The following RBFOX1 variants were observed in gnomAD, a reference collection of about 807,000 sequenced individuals.
RBFOX1 encodes RNA binding fox-1 homolog 1.
A neutral mutation model predicts 57.7 loss-of-function variants in RBFOX1; 8 were observed. That is an observed-to-expected ratio of 0.14 (90% CI 0.08 to 0.25). The LOEUF (loss-of-function observed/expected upper bound fraction) is 0.25, where lower values mean the gene tolerates loss of function less well. Among genes scored for constraint, RBFOX1 ranks in the 10% least tolerant of loss-of-function variants. RBFOX1 has a pLI of 1.00. For missense variants in RBFOX1, 611 were observed against 548.5 expected (o/e 1.11, Z -1.14); for synonymous variants, 326 against 222.4 (o/e 1.47, Z -4.15).
In RBFOX1 at chr16:6,862,734, C is replaced by T. The variant is rs146262377; in HGVS notation, c.-15-189323C>T. Among the ~76,000 whole-genome samples, 219 of 152,192 alleles carry T rather than the reference C, an allele frequency of 1.4e-3. 2 individuals are homozygous for T. Among genetic ancestry groups the T allele is most frequent in the Non-Finnish European group, 1.2e-3 (83 of 68,006 alleles). ...TGTCTGTGGCTCACACCTGTAATCC[C>T]GGCGCTTTGTAAGGCCGAGGCTGGT... On this transcript the variant is annotated intron_variant, in intron 3 of 15. Coordinates refer to ENST00000550418, the MANE Select transcript of RBFOX1 (RefSeq NM_018723.4).
intron 4 of RBFOX1, among the ~76,000 whole-genome samples, chr16:7,248,179 G>A (rs1458157021): frequency 1.3e-5 from 2 of 152,190 alleles, no homozygotes; most frequent in Non-Finnish European, 2.9e-5. Context: ...TTATCAGTTA[G>A]GGATATTACC....
At chr16:6,424,049 C>G (rs981235171) in intron 2 of RBFOX1, among the ~76,000 whole-genome samples, 22 of 152,040 alleles carry the variant, frequency 1.4e-4, no homozygotes, top group Non-Finnish European at 2.8e-4. Flanking sequence ...ACCAGCCTGG[C>G]CAACATGGTG....
intron 3 of RBFOX1, among the ~76,000 whole-genome samples, chr16:6,862,266 G>T (rs2059155656): frequency 1.3e-5 from 2 of 152,162 alleles, no homozygotes; most frequent in African/African-American, 4.8e-5. Context: ...GCCACCTCCA[G>T]AGATTTTAAT....
intron 2 of RBFOX1, among the ~76,000 whole-genome samples, chr16:6,540,709 T>C (rs1464607412): frequency 6.6e-6 from 1 of 151,276 alleles, no homozygotes; most frequent in Non-Finnish European, 1.5e-5. Flanking sequence ...CAAATTCTTA[T>C]ACAATGCTTT....
chr16:6,595,891 A>G (rs888442171), intron 2 of RBFOX1, among the ~76,000 whole-genome samples: 7 of 152,154 alleles, frequency 4.6e-5, no homozygotes, highest in Admixed American at 2.0e-4. Context: ...TACTTCGCCA[A>G]CTTTTAAAAT....
intron 2 of RBFOX1, among the ~76,000 whole-genome samples, chr16:6,398,092 C>T (rs1316931363): frequency 1.3e-5 from 2 of 152,104 alleles, no homozygotes; most frequent in African/African-American, 4.8e-5. Context: ...CGTCCTTCTT[C>T]ACGTGGTAGC....
intron 1 of RBFOX1, among the ~76,000 whole-genome samples, chr16:6,243,699 G>A (rs1181458428): frequency 5.9e-5 from 9 of 152,198 alleles, no homozygotes; most frequent in Admixed American, 5.9e-4. Flanking sequence ...GCTTGGGGAT[G>A]AGAACCTGGT....
At chr16:6,333,537 T>A (rs970033086) in intron 2 of RBFOX1, among the ~76,000 whole-genome samples, 11 of 152,226 alleles carry the variant, frequency 7.2e-5, no homozygotes, top group Admixed American at 6.5e-4. Flanking sequence ...TTGTCAAATT[T>A]CTCATCAGCT....
At chr16:6,987,609 A>C (rs1420413103) in intron 3 of RBFOX1, among the ~76,000 whole-genome samples, 1 of 152,146 alleles carries the variant, frequency 6.6e-6, no homozygotes, top group East Asian at 1.9e-4. Flanking sequence ...TCTCATTCAT[A>C]AATGGAATTT....
chr16:5,331,878 G>T (rs1020946855), intron 1 of RBFOX1, among the ~76,000 whole-genome samples: 3 of 152,236 alleles, frequency 2.0e-5, no homozygotes, highest in Non-Finnish European at 4.4e-5. Flanking sequence ...TTCCAGTGGG[G>T]TCTGCATGTT....
In RBFOX1 at chr16:6,253,233, G is replaced by T. The variant is rs569410329; in HGVS notation, c.-126-63762G>T. Reference sequence around the variant, plus strand: ...CAACATGAGGGATTTCGACAAAAAGGTTGTTAAAAGCAGTCTGATTGACTT... The same window carrying T: ...CAACATGAGGGATTTCGACAAAAAGTTTGTTAAAAGCAGTCTGATTGACTT... On this transcript the variant is annotated intron_variant, in intron 1 of 15. Transcript: ENST00000550418. 3.9e-5 allele frequency among the ~76,000 whole-genome samples: 6 copies of T among 152,274 alleles called. No homozygotes were observed. In the East Asian group the frequency reaches 7.7e-4, roughly 20 times the overall value.
chr16:7,001,453 T>C (rs866488512), intron 3 of RBFOX1, among the ~76,000 whole-genome samples: 1 of 144,928 alleles, frequency 6.9e-6, no homozygotes, highest in African/African-American at 2.6e-5. Flanking sequence ...TATATGTATA[T>C]GTATACGTGT....
chr16:6,058,225 GT>G (rs1022426817), intron 1 of RBFOX1, among the ~76,000 whole-genome samples: 2 of 152,044 alleles, frequency 1.3e-5, no homozygotes, highest in African/African-American at 4.8e-5. Context: ...AAATATGAGT[GT>G]TTATTGGTTT....
intron 4 of RBFOX1, among the ~76,000 whole-genome samples, chr16:7,462,321 C>G (rs565545694): frequency 6.6e-6 from 1 of 152,268 alleles, no homozygotes; most frequent in Non-Finnish European, 1.5e-5. Flanking sequence ...ATGGTGAAAC[C>G]TCATCTCTAC....
At chr16:7,074,459 C>G (rs2057937843) in intron 4 of RBFOX1, among the ~76,000 whole-genome samples, 1 of 151,976 alleles carries the variant, frequency 6.6e-6, no homozygotes, top group Non-Finnish European at 1.5e-5. Context: ...GAAATGTAAA[C>G]ATCAGATTGT....
At chr16:5,855,954 G>C (rs1271026162) in intron 3 of RBFOX1, among the ~76,000 whole-genome samples, 1 of 114,470 alleles carries the variant, frequency 8.7e-6, no homozygotes, top group Admixed American at 8.6e-5. Context: ...CTTTGGTTAA[G>C]TTTATTCCTA....
intron 4 of RBFOX1, among the ~76,000 whole-genome samples, chr16:5,989,485 A>T (rs919744167): frequency 1.3e-5 from 2 of 152,180 alleles, no homozygotes; most frequent in African/African-American, 4.8e-5. Flanking sequence ...GCAATTTTTA[A>T]TGTTGTGTTC....
At chr16:6,977,937 G>GAAAA (rs1555705863) in intron 3 of RBFOX1, among the ~76,000 whole-genome samples, 2,105 of 79,432 alleles carry the variant, frequency 0.027, 110 homozygotes, top group African/African-American at 0.082. Flanking sequence ...CCTCCCCAGG[G>GAAAA]AAAAAAAAAA....
intron 3 of RBFOX1, among the ~76,000 whole-genome samples, chr16:6,957,102 T>TTTTGTA (rs2082006266): frequency 7.1e-6 from 1 of 139,946 alleles, no homozygotes; most frequent in Non-Finnish European, 1.6e-5. Flanking sequence ...TTTATTTTAT[T>TTTTGTA]TTTTTATTTT....
Sources: allele counts gnomAD v4.1 joint callset (sites outside exome capture counted in the v4.1 genomes callset), GRCh38; gene constraint gnomAD v4.1.1; transcripts MANE v1.5; gene names NCBI Gene and HGNC (gene_info 2026-07-23, HGNC 2026-07-21).